Variants in GLI3 observed in about 807,000 individuals in gnomAD.
The protein encoded by GLI3 is transcription activator GLI3.
In GLI3, 20 loss-of-function variants were observed where a neutral mutation model predicts 100.8. That is an observed-to-expected ratio of 0.20 (90% confidence interval 0.14 to 0.29). The LOEUF (loss-of-function observed/expected upper bound fraction) is 0.29. Among genes scored for constraint, GLI3 ranks in the 10% least tolerant of loss-of-function variants. The pLI is 1.00. For missense variants in GLI3, 2,040 were observed against 2,128.5 expected (o/e 0.96, Z 0.82); for synonymous variants, 938 against 860.5 (o/e 1.09, Z -1.58).
At chr7:42,053,588 A>G (rs186800034) in intron 4 of GLI3, among the ~76,000 whole-genome samples, 2 of 152,342 alleles carry the variant, frequency 1.3e-5, no homozygotes, top group African/African-American at 4.8e-5. Context: ...TGCCAGGAAA[A>G]AAACTGTGGT....
intron 3 of GLI3, among the ~76,000 whole-genome samples, chr7:42,119,833 C>T (rs73325651): frequency 0.042 from 6,468 of 152,236 alleles, 469 homozygotes; most frequent in African/African-American, 0.15. Flanking sequence ...AAAGTCACAA[C>T]AACATTAAGT....
chr7:42,150,287 A>G (rs1786822934), intron 2 of GLI3: 1 of 152,214 alleles, frequency 6.6e-6, no homozygotes, highest in Admixed American at 6.5e-5. Flanking sequence ...TTTAAAACAA[A>G]CTACAAAAGA....
intron 3 of GLI3, among the ~76,000 whole-genome samples, chr7:42,100,578 TAA>T (rs76401231): frequency 1.5e-4 from 17 of 110,644 alleles, no homozygotes; most frequent in African/African-American, 3.1e-4. Flanking sequence ...TCTACAAACA[TAA>T]AAAAAAAAAA....
At chr7:42,184,501 G>A (rs1015195639) in intron 2 of GLI3, among the ~76,000 whole-genome samples, 1 of 152,216 alleles carries the variant, frequency 6.6e-6, no homozygotes, top group African/African-American at 2.4e-5. Flanking sequence ...TTCCTACAGT[G>A]AAGGAACACC....
chr7:42,149,786 A>T (rs549142816), intron 2 of GLI3, among the ~76,000 whole-genome samples: 162 of 152,384 alleles, frequency 1.1e-3, no homozygotes, highest in African/African-American at 2.9e-3. Context: ...TAAAGCAGAT[A>T]TGATTAACTA....
chr7:42,107,447 G>A (rs567283614), intron 3 of GLI3, among the ~76,000 whole-genome samples: 24 of 152,224 alleles, frequency 1.6e-4, no homozygotes, highest in Admixed American at 7.2e-4. Flanking sequence ...CAACTCAGGC[G>A]ACTGAGGGTA....
intron 2 of GLI3, among the ~76,000 whole-genome samples, chr7:42,185,340 C>T (rs74959103): frequency 0.028 from 4,268 of 152,306 alleles, 190 homozygotes; most frequent in African/African-American, 0.097. Context: ...CCGCTTCCTT[C>T]TCCAGGCTGC....
At chr7:42,130,154 A>G (rs895349621) in intron 3 of GLI3, among the ~76,000 whole-genome samples, 1 of 152,102 alleles carries the variant, frequency 6.6e-6, no homozygotes, top group Non-Finnish European at 1.5e-5. Context: ...CCCAGAATCA[A>G]GCCCTCTTCG....
intron 4 of GLI3, among the ~76,000 whole-genome samples, chr7:42,051,625 G>A (rs1583511790): frequency 2.0e-5 from 3 of 152,264 alleles, no homozygotes. Context: ...GGTAGCAAAT[G>A]CAACATACTG....
chr7:42,161,180 G>A (rs1787122633), intron 2 of GLI3, among the ~76,000 whole-genome samples: 1 of 152,120 alleles, frequency 6.6e-6, no homozygotes, highest in Non-Finnish European at 1.5e-5. Context: ...TACAGCCTGT[G>A]AGCTCAAATA....
chr7:42,080,378 T>C (rs1784972897), intron 3 of GLI3, among the ~76,000 whole-genome samples: 1 of 152,246 alleles, frequency 6.6e-6, no homozygotes, highest in African/African-American at 2.4e-5. Flanking sequence ...AATTCTGCAT[T>C]CGAGAATTAT....
chr7:42,092,902 C>T (rs1333308451), intron 3 of GLI3, among the ~76,000 whole-genome samples: 1 of 151,880 alleles, frequency 6.6e-6, no homozygotes, highest in Admixed American at 6.5e-5. Context: ...CAACCTCCGT[C>T]TCTGGAGTTC....
intron 4 of GLI3, among the ~76,000 whole-genome samples, chr7:42,061,501 T>C (rs1784568099): frequency 6.6e-6 from 1 of 152,132 alleles, no homozygotes; most frequent in African/African-American, 2.4e-5. Context: ...GAACTATCAT[T>C]AGTGATTCAA....
Position 41,965,575 on chromosome 7 carries a change from G to C in GLI3, c.3498C>G (p.Ser1166Arg). Residue 1166 changes from serine (S) to arginine (R), a missense_variant, in exon 15 of 15, where the codon AGC (serine) becomes AGG (arginine). Ser to Arg is a moderately radical substitution (Grantham distance 110, BLOSUM62 -1). Coordinates refer to ENST00000395925, the MANE Select transcript of GLI3 (RefSeq NM_000168.6). ...AGGAGGACAGGTCGGCGCTTCCGGA[G>C]CTGACTTCGTTCCACTGAATGGGCA... is the stretch of plus-strand genomic sequence containing the variant. ...TDLPIQWNEV[S>R]SGSADLSSSK... 6.2e-7 allele frequency: 1 copy of C among 1,605,132 alleles called. No homozygotes were observed. Among genetic ancestry groups the C allele is most frequent in the Non-Finnish European group, 8.5e-7 (1 of 1,172,896 alleles).
In GLI3 at chr7:42,170,670, G is replaced by A. The variant is rs7801861; in HGVS notation, c.125-22202C>T. 5.5e-3 allele frequency among the ~76,000 whole-genome samples: 831 copies of A among 152,152 alleles called. 5 individuals are homozygous for A. Among genetic ancestry groups the A allele is most frequent in the African/African-American group, 0.019 (776 of 41,532 alleles). On this transcript the variant is annotated intron_variant, in intron 2 of 14. Transcript: ENST00000395925. ...ACCCGCCTTGGCCTCCTGAAGTGCT[G>A]GGATTACAGGTGTGAGCCACCACGT... is the stretch of plus-strand genomic sequence containing the variant.
At chr7:42,041,152 G>A (rs1252269432) in intron 6 of GLI3, among the ~76,000 whole-genome samples, 1 of 152,174 alleles carries the variant, frequency 6.6e-6, no homozygotes, top group Non-Finnish European at 1.5e-5. Flanking sequence ...GGGCATTTTA[G>A]CTCTTCTCTG....
At chr7:42,159,818 T>C (rs1787091035) in intron 2 of GLI3, among the ~76,000 whole-genome samples, 1 of 152,214 alleles carries the variant, frequency 6.6e-6, no homozygotes, top group Admixed American at 6.5e-5. Flanking sequence ...ATGCAGTATT[T>C]TGAAAGCAAA....
chr7:42,130,316 A>G (rs1266732836), intron 3 of GLI3, among the ~76,000 whole-genome samples: 1 of 152,188 alleles, frequency 6.6e-6, no homozygotes, highest in Non-Finnish European at 1.5e-5. Context: ...GTTTTGGGGA[A>G]TGACACCCAA....
intron 3 of GLI3, chr7:42,145,478 G>T: frequency 2.5e-6 from 1 of 398,442 alleles, no homozygotes; most frequent in South Asian, 1.3e-4. Context: ...GAGGTTGACT[G>T]AGAAAAGATT....
Sources: allele counts gnomAD v4.1 joint callset (sites outside exome capture counted in the v4.1 genomes callset), GRCh38; gene constraint gnomAD v4.1.1; transcripts MANE v1.5; gene names NCBI Gene and HGNC (gene_info 2026-07-23, HGNC 2026-07-21).